DLGAP1: variants seen among roughly 807,000 people sequenced by gnomAD.
The protein encoded by DLGAP1 is DLG associated protein 1.
A neutral mutation model predicts 90.8 loss-of-function variants in DLGAP1; 11 were observed. The observed-to-expected ratio is 0.12, with a 90% CI of 0.08 to 0.20. The LOEUF is 0.20. DLGAP1 is among the 10% of genes least tolerant of loss of function. The pLI is 1.00. For missense variants in DLGAP1, 1,050 were observed against 1,333.8 expected (o/e 0.79, Z 3.31); for synonymous variants, 558 against 540.7 (o/e 1.03, Z -0.44).
intron 7 of DLGAP1, among the ~76,000 whole-genome samples, chr18:3,651,552 G>T (rs943493913): frequency 3.3e-5 from 5 of 152,186 alleles, no homozygotes; most frequent in African/African-American, 1.2e-4. Flanking sequence ...CAGCACTTTG[G>T]GAGGCCAAGG....
At chr18:4,368,254 A>T (rs905905963) in intron 1 of DLGAP1, among the ~76,000 whole-genome samples, 1 of 152,158 alleles carries the variant, frequency 6.6e-6, no homozygotes, top group African/African-American at 2.4e-5. Flanking sequence ...ATGGTATTGA[A>T]TTTTTATGAT....
intron 1 of DLGAP1, among the ~76,000 whole-genome samples, chr18:4,445,376 C>CA (rs1269439051): frequency 2.0e-5 from 3 of 151,558 alleles, no homozygotes; most frequent in Admixed American, 2.0e-4. Flanking sequence ...ATACATGTGC[C>CA]ATGCTGGTGC....
intron 1 of DLGAP1, among the ~76,000 whole-genome samples, chr18:4,427,368 G>T (rs1457063676): frequency 6.6e-6 from 1 of 152,180 alleles, no homozygotes; most frequent in Admixed American, 6.5e-5. Context: ...TAGCTCTATT[G>T]AATATGTGAG....
chr18:3,586,802 C>T (rs1221850954), intron 7 of DLGAP1, among the ~76,000 whole-genome samples: 1 of 152,154 alleles, frequency 6.6e-6, no homozygotes, highest in Non-Finnish European at 1.5e-5. Context: ...CACTTCTCTC[C>T]TAAGGGTATT....
chr18:3,892,972 T>C (rs767757781), intron 3 of DLGAP1, among the ~76,000 whole-genome samples: 10 of 150,844 alleles, frequency 6.6e-5, no homozygotes, highest in Middle Eastern at 3.5e-3. Flanking sequence ...TTACATTGTG[T>C]AGAAGTAAAG....
chr18:4,326,599 C>T (rs943364682), intron 1 of DLGAP1, among the ~76,000 whole-genome samples: 9 of 152,090 alleles, frequency 5.9e-5, no homozygotes, highest in Non-Finnish European at 2.9e-5. Flanking sequence ...ACTAAATGCA[C>T]ATCAATAGTA....
At chr18:3,771,740 T>C (rs2148014094) in intron 5 of DLGAP1, among the ~76,000 whole-genome samples, 1 of 151,668 alleles carries the variant, frequency 6.6e-6, no homozygotes, top group African/African-American at 2.4e-5. Flanking sequence ...CTTCAACGGA[T>C]AAAAAATTAA....
intron 3 of DLGAP1, among the ~76,000 whole-genome samples, chr18:3,903,858 AT>A (rs2071838324): frequency 1.3e-5 from 2 of 152,368 alleles, no homozygotes; most frequent in African/African-American, 4.8e-5. Context: ...CAATATTGAA[AT>A]GGCAAAGGCA....
chr18:3,938,556 A>G (rs2072693828), intron 3 of DLGAP1, among the ~76,000 whole-genome samples: 1 of 152,186 alleles, frequency 6.6e-6, no homozygotes, highest in Admixed American at 6.5e-5. Context: ...TCCTACTTCT[A>G]TGAGGGAGAC....
At chr18:3,556,744 A>G (rs142591341) in intron 9 of DLGAP1, among the ~76,000 whole-genome samples, 3 of 152,338 alleles carry the variant, frequency 2.0e-5, no homozygotes, top group African/African-American at 4.8e-5. Flanking sequence ...TTGAGTGAAC[A>G]TAAGTTTTCA....
intron 7 of DLGAP1, among the ~76,000 whole-genome samples, chr18:3,726,528 T>C (rs1032547212): frequency 6.6e-6 from 1 of 152,084 alleles, no homozygotes; most frequent in Non-Finnish European, 1.5e-5. Context: ...TAGACCCTTA[T>C]CATATCATAA....
chr18:3,852,150 CT>C (rs781705580), intron 4 of DLGAP1, among the ~76,000 whole-genome samples: 2 of 152,096 alleles, frequency 1.3e-5, no homozygotes, highest in Non-Finnish European at 2.9e-5. Flanking sequence ...TTCAATAAAA[CT>C]TTTCTAAAAT....
At chr18:4,183,357 A>G (rs1339094558) in intron 1 of DLGAP1, among the ~76,000 whole-genome samples, 2 of 152,274 alleles carry the variant, frequency 1.3e-5, no homozygotes, top group African/African-American at 4.8e-5. Flanking sequence ...ATTTAGAAAG[A>G]AGAGAGATAT....
chr18:4,267,456 T>C (rs2079155737), intron 1 of DLGAP1, among the ~76,000 whole-genome samples: 1 of 152,232 alleles, frequency 6.6e-6, no homozygotes, highest in Non-Finnish European at 1.5e-5. Flanking sequence ...AAATGCTTAA[T>C]GGGAAGTTTC....
intron 7 of DLGAP1, among the ~76,000 whole-genome samples, chr18:3,725,062 A>G (rs559395167): frequency 1.4e-3 from 206 of 152,292 alleles, no homozygotes; most frequent in Non-Finnish European, 2.2e-3. Flanking sequence ...ATACCTCCCT[A>G]TCTCTTTACC....
chr18:4,322,075 C>G (rs2080703590), intron 1 of DLGAP1, among the ~76,000 whole-genome samples: 1 of 151,962 alleles, frequency 6.6e-6, no homozygotes, highest in Non-Finnish European at 1.5e-5. Flanking sequence ...TGGGGGGAAC[C>G]AGTAATCCCA....
chr18:4,029,992 A>G (rs1217906767), intron 2 of DLGAP1, among the ~76,000 whole-genome samples: 1 of 152,094 alleles, frequency 6.6e-6, no homozygotes, highest in Non-Finnish European at 1.5e-5. Context: ...CTCCATTAAG[A>G]AATTATTATT....
At chr18:3,802,274 A>C (rs1044185259) in intron 5 of DLGAP1, among the ~76,000 whole-genome samples, 1 of 141,290 alleles carries the variant, frequency 7.1e-6, no homozygotes, top group African/African-American at 2.6e-5. Context: ...TGAGCCACCG[A>C]CCCCGCCACG....
At chr18:4,135,790 CTTT>C (rs58513784) in intron 2 of DLGAP1, among the ~76,000 whole-genome samples, 2 of 127,314 alleles carry the variant, frequency 1.6e-5, no homozygotes, top group South Asian at 2.5e-4. Context: ...GAATCTGATT[CTTT>C]TTTTTTTTTT....
Sources: gnomAD v4.1 joint callset for allele counts (sites outside exome capture counted in the v4.1 genomes callset) on GRCh38, gnomAD v4.1.1 for gene constraint, MANE v1.5 for transcripts, NCBI Gene and HGNC (gene_info 2026-07-23, HGNC 2026-07-21) for gene names.